CDYL2: variants seen among roughly 807,000 people sequenced by gnomAD.
The protein encoded by CDYL2 is chromodomain Y-like protein 2.
A neutral mutation model predicts 49.4 loss-of-function variants in CDYL2; 23 were observed. That is an observed-to-expected ratio of 0.47 (90% CI 0.34 to 0.66). The LOEUF (loss-of-function observed/expected upper bound fraction) is 0.66, where lower values mean the gene tolerates loss of function less well. CDYL2 is among the 30% of genes least tolerant of loss of function. CDYL2 has a pLI of 0.01. For missense variants in CDYL2, 678 were observed against 656.4 expected (o/e 1.03, Z -0.36); for synonymous variants, 360 against 268.8 (o/e 1.34, Z -3.32).
At chr16:80,686,453 T>C (rs1190039607) in intron 1 of CDYL2, among the ~76,000 whole-genome samples, 2 of 152,168 alleles carry the variant, frequency 1.3e-5, no homozygotes, top group African/African-American at 2.4e-5. Context: ...TATGCTTTTC[T>C]AGAATGGAAT....
At chr16:80,686,559 T>C (rs180809763) in intron 1 of CDYL2, among the ~76,000 whole-genome samples, 1 of 152,282 alleles carries the variant, frequency 6.6e-6, no homozygotes, top group African/African-American at 2.4e-5. Context: ...ACAGTCATAG[T>C]TGATAATTGT....
At chr16:80,774,575 T>G (rs1027829387) in intron 1 of CDYL2, among the ~76,000 whole-genome samples, 3 of 152,086 alleles carry the variant, frequency 2.0e-5, no homozygotes, top group Admixed American at 2.0e-4. Context: ...AAAAGATAAA[T>G]TGGTGAGGTA....
intron 1 of CDYL2, among the ~76,000 whole-genome samples, chr16:80,762,838 G>A (rs534584426): frequency 6.6e-6 from 1 of 152,232 alleles, no homozygotes; most frequent in East Asian, 1.9e-4. Context: ...CTAAATGCAA[G>A]AAGACTGTCA....
chr16:80,609,428 ATGGTT>A (rs1906495767), intron 5 of CDYL2, among the ~76,000 whole-genome samples: 1 of 152,144 alleles, frequency 6.6e-6, no homozygotes, highest in Non-Finnish European at 1.5e-5. Flanking sequence ...TGTGTCACTG[ATGGTT>A]CGTGATGACC....
At position 80,700,474 on chromosome 16, in the gene CDYL2, TAAGAAA is replaced by T. The variant is rs536199052; in HGVS notation, c.25-15351_25-15346del. Among the ~76,000 whole-genome samples, 23 of 152,256 alleles carry T rather than the reference TAAGAAA, an allele frequency of 1.5e-4. No individual in the cohort carries two copies. In the Middle Eastern group the frequency reaches 0.01, roughly 68 times the overall value. On this transcript the variant is annotated intron_variant, in intron 1 of 6. Coordinates refer to ENST00000570137, the MANE Select transcript of CDYL2 (RefSeq NM_152342.4). ...ATATGTAAGGAACTTCAAAGTCGAT[TAAGAAA>T]AAGAAGTTAAAAATGGGCAAAGAAG...
At chr16:80,689,525 G>A (rs1910328288) in intron 1 of CDYL2, among the ~76,000 whole-genome samples, 2 of 152,148 alleles carry the variant, frequency 1.3e-5, no homozygotes, top group African/African-American at 4.8e-5. Context: ...ACCAAGATTT[G>A]AACCCAAGTT....
At chr16:80,646,915 G>T (rs528132115) in intron 2 of CDYL2, among the ~76,000 whole-genome samples, 1 of 143,664 alleles carries the variant, frequency 7.0e-6, no homozygotes, top group South Asian at 2.2e-4. Flanking sequence ...GATGGAAAAA[G>T]ATATTCCTTG....
At chr16:80,616,781 A>G (rs1190611413) in intron 4 of CDYL2, among the ~76,000 whole-genome samples, 1 of 152,202 alleles carries the variant, frequency 6.6e-6, no homozygotes, top group Non-Finnish European at 1.5e-5. Flanking sequence ...CTCCAAGAAC[A>G]TATTAGTGCC....
At chr16:80,629,897 T>C (rs1205021570) in intron 3 of CDYL2, among the ~76,000 whole-genome samples, 2 of 152,228 alleles carry the variant, frequency 1.3e-5, no homozygotes, top group Non-Finnish European at 2.9e-5. Context: ...ACATACCTCC[T>C]ATATGCCAGG....
intron 2 of CDYL2, among the ~76,000 whole-genome samples, chr16:80,657,695 G>T (rs1364077477): frequency 6.6e-6 from 1 of 152,050 alleles, no homozygotes; most frequent in Non-Finnish European, 1.5e-5. Flanking sequence ...TCTTCATTGT[G>T]GGGGAGATAC....
At chr16:80,783,890 G>A (rs991381959) in intron 1 of CDYL2, among the ~76,000 whole-genome samples, 12 of 152,144 alleles carry the variant, frequency 7.9e-5, no homozygotes, top group East Asian at 3.8e-4. Flanking sequence ...ATGAGTGCCC[G>A]GGGCTGGGAA....
In CDYL2 at chr16:80,603,928, A is replaced by G. The variant is rs566265040; in HGVS notation, c.*460T>C. 9.4e-4 allele frequency: 153 copies of G among 162,948 alleles called. No homozygotes were observed. Among genetic ancestry groups the G allele is most frequent in the Non-Finnish European group, 1.2e-3 (92 of 73,764 alleles). The allele number at this position is 162,948 out of a possible 1,614,324, so 10.1% of individuals were successfully genotyped here. On this transcript the variant is annotated 3_prime_UTR_variant, in exon 7 of 7. Coordinates refer to ENST00000570137, the MANE Select transcript of CDYL2 (RefSeq NM_152342.4). ...CCAGGTGTGCACAATCATTTTGCTC[A>G]TTGGTCTGGAAATTCCCTAAGATTG...
chr16:80,777,773 A>G (rs1597129137), intron 1 of CDYL2, among the ~76,000 whole-genome samples: 1 of 152,098 alleles, frequency 6.6e-6, no homozygotes, highest in Non-Finnish European at 1.5e-5. Context: ...ATTCCAGAGA[A>G]AGCTTAGTTG....
chr16:80,607,483 C>T (rs1906392114), intron 6 of CDYL2, among the ~76,000 whole-genome samples: 2 of 152,198 alleles, frequency 1.3e-5, no homozygotes, highest in South Asian at 2.1e-4. Flanking sequence ...TGGAACCAGC[C>T]CTGGGGCCGC....
intron 1 of CDYL2, among the ~76,000 whole-genome samples, chr16:80,748,434 G>A (rs536893674): frequency 7.0e-6 from 1 of 143,000 alleles, no homozygotes; most frequent in South Asian, 2.3e-4. Flanking sequence ...GGCTGAGGCA[G>A]GAGAATGGCG....
At chr16:80,692,328 T>C (rs1910449458) in intron 1 of CDYL2, among the ~76,000 whole-genome samples, 1 of 152,216 alleles carries the variant, frequency 6.6e-6, no homozygotes, top group South Asian at 2.1e-4. Context: ...CAGAACATTA[T>C]GTTCCAGAAC....
intron 1 of CDYL2, among the ~76,000 whole-genome samples, chr16:80,764,440 T>C (rs1906642635): frequency 1.3e-5 from 2 of 152,122 alleles, no homozygotes; most frequent in Non-Finnish European, 2.9e-5. Context: ...TTAGGACTGA[T>C]GCTATTCCAT....
At chr16:80,647,480 A>T (rs1004711023) in intron 2 of CDYL2, among the ~76,000 whole-genome samples, 1 of 152,184 alleles carries the variant, frequency 6.6e-6, no homozygotes, top group Non-Finnish European at 1.5e-5. Flanking sequence ...TTATATCTTC[A>T]GCAAGAAGAT....
intron 3 of CDYL2, among the ~76,000 whole-genome samples, chr16:80,625,767 T>A (rs1275536754): frequency 1.3e-5 from 2 of 152,140 alleles, no homozygotes; most frequent in Non-Finnish European, 2.9e-5. Context: ...AAATTCTACA[T>A]AGCAGAAATA....
Sources: gnomAD v4.1 joint callset for allele counts (sites outside exome capture counted in the v4.1 genomes callset) on GRCh38, gnomAD v4.1.1 for gene constraint, MANE v1.5 for transcripts, NCBI Gene and HGNC (gene_info 2026-07-23, HGNC 2026-07-21) for gene names.